Variants in IDE observed in about 807,000 individuals in gnomAD.
IDE encodes the protein insulin degrading enzyme, also known as insulin-degrading enzyme.
Under a neutral mutation model 133.2 loss-of-function variants are expected in IDE, and 58 were observed. That is an observed-to-expected ratio of 0.44 (90% CI 0.35 to 0.54). IDE has a LOEUF of 0.54. IDE is among the 20% of genes least tolerant of loss of function. The probability of loss-of-function intolerance (pLI) is 0.00; values close to 1 mark genes in which losing one functional copy is unlikely to be tolerated. For missense variants in IDE, 981 were observed against 1,234.0 expected (o/e 0.79, Z 3.07); for synonymous variants, 396 against 421.3 (o/e 0.94, Z 0.73).
At chr10:92,544,311 A>G (rs542095537) in intron 1 of IDE, among the ~76,000 whole-genome samples, 1 of 152,186 alleles carries the variant, frequency 6.6e-6, no homozygotes. Flanking sequence ...AAAGTGTCAT[A>G]GGCTTTATAA....
intron 1 of IDE, among the ~76,000 whole-genome samples, chr10:92,571,368 C>G (rs1843778670): frequency 6.6e-6 from 1 of 152,174 alleles, no homozygotes; most frequent in African/African-American, 2.4e-5. Context: ...AAAGAAACTT[C>G]AGGGGTACCC....
intron 5 of IDE, among the ~76,000 whole-genome samples, chr10:92,513,674 A>T (rs542780462): frequency 3.9e-4 from 59 of 149,994 alleles, no homozygotes; most frequent in African/African-American, 1.4e-3. Context: ...AAAAATGTTT[A>T]GTTATATATG....
chr10:92,473,363 G>A (rs2249960), intron 17 of IDE, among the ~76,000 whole-genome samples: 138,624 of 152,014 alleles, frequency 0.91, 63,396 homozygotes, highest in East Asian at 1. Context: ...TTTTTTTCCA[G>A]TAAAGAAATC....
At chr10:92,469,930 G>A (rs1021489312) in intron 18 of IDE, among the ~76,000 whole-genome samples, 1 of 152,080 alleles carries the variant, frequency 6.6e-6, no homozygotes. Context: ...TTGAATCCAG[G>A]CTGTCTAATT....
At chr10:92,465,512 G>A (rs944528173) in intron 20 of IDE, among the ~76,000 whole-genome samples, 164 bp downstream of exon 20, 2 of 152,132 alleles carry the variant, frequency 1.3e-5, no homozygotes, top group Non-Finnish European at 2.9e-5. Flanking sequence ...GATAGTGATT[G>A]CTTATCTTTT....
intron 24 of IDE, among the ~76,000 whole-genome samples, chr10:92,455,197 C>T (rs777331255): frequency 4.6e-5 from 7 of 152,090 alleles, no homozygotes; most frequent in South Asian, 2.1e-4. Flanking sequence ...TTCTTCTGGC[C>T]GGGCACAGTG....
chr10:92,548,889 T>C lies in IDE; in HGVS notation c.99-11339A>G, dbSNP rs147036788. 7.4e-3 allele frequency among the ~76,000 whole-genome samples: 1,124 copies of C among 152,278 alleles called. 13 individuals are homozygous for C. Among genetic ancestry groups the C allele is most frequent in the African/African-American group, 0.026 (1,067 of 41,550 alleles). On this transcript the variant is annotated intron_variant, in intron 1 of 24. Coordinates refer to ENST00000265986, the MANE Select transcript of IDE (RefSeq NM_004969.4). ...CAATGACTAGAGGCATTTTTTATTG[T>C]CACAACTGAAGGTGCTAATGGCACA... is the stretch of plus-strand genomic sequence containing the variant.
At chr10:92,496,036 G>C (rs571763822) in intron 11 of IDE, among the ~76,000 whole-genome samples, 36 of 151,792 alleles carry the variant, frequency 2.4e-4, no homozygotes, top group African/African-American at 7.7e-4. Flanking sequence ...CACCATGCCC[G>C]GCTAATTTTT....
At chr10:92,509,976 C>G in intron 6 of IDE, 74 bp downstream of exon 6, 1 of 628,664 alleles carries the variant, frequency 1.6e-6, no homozygotes, top group Non-Finnish European at 2.7e-6. Flanking sequence ...AAATTTTCAC[C>G]TGTTCTATGG....
intron 1 of IDE, among the ~76,000 whole-genome samples, chr10:92,563,395 T>C (rs1843372979): frequency 6.6e-6 from 1 of 150,644 alleles, no homozygotes; most frequent in East Asian, 1.9e-4. Flanking sequence ...GAGTTTGCAG[T>C]GAGCCAAGAT....
intron 5 of IDE, among the ~76,000 whole-genome samples, chr10:92,511,922 T>G (rs1473182245): frequency 6.6e-6 from 1 of 152,112 alleles, no homozygotes; most frequent in Admixed American, 6.6e-5. Flanking sequence ...CTGAGCAAGG[T>G]TCTACCAGGT....
At chr10:92,560,306 C>T (rs80031961) in intron 1 of IDE, among the ~76,000 whole-genome samples, 445 of 152,304 alleles carry the variant, frequency 2.9e-3, no homozygotes, top group African/African-American at 0.01. Flanking sequence ...GTCAACGTTC[C>T]TATCTGCCTT....
chr10:92,538,778 C>CAAAAAAAAA (rs1554848872), intron 1 of IDE, among the ~76,000 whole-genome samples: 1 of 41,558 alleles, frequency 2.4e-5, no homozygotes, highest in Non-Finnish European at 5.2e-5. Context: ...GCTTAATAGA[C>CAAAAAAAAA]AAAAAAAAAA....
At chr10:92,509,031 C>G in intron 6 of IDE, 141 bp from the exon 7 acceptor site, 1 of 639,914 alleles carries the variant, frequency 1.6e-6, no homozygotes, top group Non-Finnish European at 2.7e-6. Flanking sequence ...ACACTGACCA[C>G]AAAGAAATAA....
chr10:92,540,018 G>A (rs917344633), intron 1 of IDE, among the ~76,000 whole-genome samples: 1 of 152,158 alleles, frequency 6.6e-6, no homozygotes, highest in African/African-American at 2.4e-5. Flanking sequence ...GAGGCGGGCA[G>A]ATCATCTGAG....
chr10:92,516,491 A>G (rs1442760928), intron 4 of IDE, among the ~76,000 whole-genome samples: 1 of 152,202 alleles, frequency 6.6e-6, no homozygotes, highest in Admixed American at 6.5e-5. Flanking sequence ...CTCTGTCTCA[A>G]AAAAATATGT....
At chr10:92,551,405 T>C (rs1171844273) in intron 1 of IDE, among the ~76,000 whole-genome samples, 3 of 151,458 alleles carry the variant, frequency 2.0e-5, no homozygotes, top group African/African-American at 7.3e-5. Context: ...CCATCTCTAC[T>C]AAAAATACAA....
intron 1 of IDE, among the ~76,000 whole-genome samples, chr10:92,565,669 C>T (rs1405663365): frequency 1.3e-5 from 2 of 152,122 alleles, no homozygotes; most frequent in African/African-American, 4.8e-5. Flanking sequence ...GTCTTCAACT[C>T]TATCTTCAGA....
At chr10:92,503,274 G>C (rs1848124526) in intron 11 of IDE, among the ~76,000 whole-genome samples, 1 of 152,018 alleles carries the variant, frequency 6.6e-6, no homozygotes, top group Non-Finnish European at 1.5e-5. Context: ...ATAAAAAATT[G>C]TTCTTGAAGC....
Sources: allele counts gnomAD v4.1 joint callset (sites outside exome capture counted in the v4.1 genomes callset), GRCh38; gene constraint gnomAD v4.1.1; transcripts MANE v1.5; gene names NCBI Gene and HGNC (gene_info 2026-07-23, HGNC 2026-07-21).